SCLY: variants seen among roughly 807,000 people sequenced by gnomAD.
SCLY encodes the protein selenocysteine lyase.
A neutral mutation model predicts 50.1 loss-of-function variants in SCLY; 38 were observed. That is an observed-to-expected ratio of 0.76 (90% CI 0.59 to 0.99). The LOEUF (loss-of-function observed/expected upper bound fraction) is 0.99, where lower values mean the gene tolerates loss of function less well. Ranked by LOEUF, SCLY falls within the 50% of genes least tolerant of loss-of-function variation. The pLI is 0.00. For missense variants in SCLY, 600 were observed against 620.0 expected, an observed-to-expected ratio of 0.97 and a Z score of 0.34; for synonymous variants, 243 against 249.4, an observed-to-expected ratio of 0.97 and a Z score of 0.24.
intron 6 of SCLY, chr2:238,082,592 G>A (rs2065249855): frequency 4.7e-6 from 1 of 212,180 alleles, no homozygotes; most frequent in Non-Finnish European, 9.6e-6. Context: ...ACAGGAAATC[G>A]TTGCTTTCTC....
intron 1 of SCLY, among the ~76,000 whole-genome samples, chr2:238,064,001 C>T (rs917025358): frequency 1.3e-5 from 2 of 152,226 alleles, no homozygotes; most frequent in African/African-American, 2.4e-5. Flanking sequence ...CAGCCTCAAA[C>T]TTCTGGCCTC....
chr2:238,067,999 C>A lies in SCLY; in HGVS notation c.203-66C>A. The A allele has an allele frequency of 8.3e-7, 1 of 1,198,870 alleles. No homozygotes were observed. Among genetic ancestry groups the A allele is most frequent in the Non-Finnish European group, 1.2e-6 (1 of 823,058 alleles). 74.3% of individuals were successfully genotyped at this position (1,198,870 alleles called of 1,614,324 possible). ...CTCTTATTCCTTTGTATTTGGTTGT[C>A]CTTTTAGATGCGTTGATTGAGCTTG... On this transcript the variant is annotated intron_variant, in intron 2 of 11. Transcript: ENST00000254663. The surrounding 1 kb of genome is among the most constrained non-coding windows in gnomAD (Gnocchi z 4.3).
At chr2:238,071,093 A>G (rs992457532) in intron 4 of SCLY, among the ~76,000 whole-genome samples, 2 of 151,962 alleles carry the variant, frequency 1.3e-5, no homozygotes, top group African/African-American at 2.4e-5. Context: ...TGGCCTCCCA[A>G]AGTGCTGGGA....
At position 238,098,605 on chromosome 2, in the gene SCLY, A is replaced by AACGCCCACATAGAACCGTCCACATG. The variant is rs1553568600; in HGVS notation, c.*250_*251insACGCCCACATAGAACCGTCCACATG. 5.5e-5 allele frequency: 17 copies of AACGCCCACATAGAACCGTCCACATG among 311,406 alleles called. 3 individuals carry two copies. The highest frequency in any genetic ancestry group is 2.8e-4 in the East Asian group (6 of 21,608). 19.3% of individuals were successfully genotyped at this position (311,406 alleles called of 1,614,324 possible). ...ACCGCCCACATAGGACCGCCCACATAGGACCGCCCACATGGGACCGCCCAC... is the reference window on the plus strand; with the variant it reads ...ACCGCCCACATAGGACCGCCCACATAACGCCCACATAGAACCGTCCACATGGGACCGCCCACATGGGACCGCCCAC... On this transcript the variant is annotated 3_prime_UTR_variant, in exon 12 of 12. Transcript: ENST00000254663.
chr2:238,094,040 TG>T (rs1196377856), intron 9 of SCLY, 96 bp downstream of exon 9: 2 of 1,101,106 alleles, frequency 1.8e-6, no homozygotes, highest in African/African-American at 1.6e-5. Context: ...CCAGGACCTG[TG>T]GGGATTGCAG....
intron 4 of SCLY, among the ~76,000 whole-genome samples, chr2:238,076,737 A>G (rs1161520727): frequency 1.5e-5 from 1 of 66,100 alleles, no homozygotes; most frequent in Non-Finnish European, 3.3e-5. Flanking sequence ...AAAAAAAAAA[A>G]AGAGTGTATT....
chr2:238,094,056 G>T, intron 9 of SCLY, 112 bp downstream of exon 9: 1 of 934,818 alleles, frequency 1.1e-6, no homozygotes, highest in Non-Finnish European at 1.7e-6. Flanking sequence ...TTGCAGCGTA[G>T]CCTGGAACTC....
chr2:238,080,331 A>G (rs906997736), intron 4 of SCLY: 4 of 152,212 alleles, frequency 2.6e-5, no homozygotes, highest in African/African-American at 9.7e-5. Flanking sequence ...GTGATCTAGA[A>G]TCAGTCATTT....
chr2:238,083,440 T>G lies in SCLY; in HGVS notation c.884+86T>G. 1 of 1,042,864 alleles carries G rather than the reference T, an allele frequency of 9.6e-7. No individual in the cohort carries two copies. The highest frequency in any genetic ancestry group is 1.5e-6 in the Non-Finnish European group (1 of 664,916). The allele number at this position is 1,042,864 out of a possible 1,614,324, so 64.6% of individuals were successfully genotyped here. A position where few individuals can be genotyped will look rare whatever the true frequency, so the allele number is the denominator to read the frequency against. On this transcript the variant is annotated intron_variant, in intron 7 of 11. Transcript: ENST00000254663. The surrounding 1 kb of genome is among the most constrained non-coding windows in gnomAD (Gnocchi z 4.3). ...CATTGTAAAGAAACATGGCGCTGTTTCTTGGTCTCGTGGAGGCTCTGTAGC... is the reference window on the plus strand; with the variant it reads ...CATTGTAAAGAAACATGGCGCTGTTGCTTGGTCTCGTGGAGGCTCTGTAGC...
chr2:238,098,371 C>T lies in SCLY; in HGVS notation c.*16C>T, dbSNP rs568677055. 2.6e-5 allele frequency: 41 copies of T among 1,575,416 alleles called. No individual in the cohort carries two copies. Among genetic ancestry groups the T allele is most frequent in the Admixed American group, 2.6e-4 (15 of 58,474 alleles). ...CCAGGCCTAGCACTGGGGCCGCCTT[C>T]CCCACCCCGCTTCTGGGAAGCCCGT... On this transcript the variant is annotated 3_prime_UTR_variant, in exon 12 of 12. Coordinates refer to ENST00000254663, the MANE Select transcript of SCLY (RefSeq NM_016510.7).
intron 8 of SCLY, chr2:238,091,514 T>TTTTTTTTTTAATGA: frequency 2.0e-6 from 1 of 497,528 alleles, no homozygotes; most frequent in Non-Finnish European, 3.7e-6. Context: ...AGTGATACTG[T>TTTTTTTTTTAATGA]TACAGCAGAG....
intron 6 of SCLY, among the ~76,000 whole-genome samples, 180 bp downstream of exon 6, chr2:238,082,389 C>T (rs2065247475): frequency 6.6e-6 from 1 of 152,174 alleles, no homozygotes; most frequent in Non-Finnish European, 1.5e-5. Context: ...GGCCAGCATG[C>T]CAGGACGAAT....
chr2:238,093,772 AG>A (rs748913530), intron 8 of SCLY, 88 bp from the exon 9 acceptor site: 16 of 1,225,586 alleles, frequency 1.3e-5, no homozygotes, highest in Non-Finnish European at 1.8e-5. Context: ...GAGCAGTTTC[AG>A]GAAATGCCAC....
At position 238,061,067 on chromosome 2, in the gene SCLY, G is replaced by A; in HGVS notation, c.13G>A (p.Val5Met). MEAA[V>M]APGRDAPAPA... Reference sequence around the variant, plus strand: ...CAGTGGGGCGGGGATGGAGGCGGCCGTGGCGCCGGGGAGGGATGCGCCGGC... The same window carrying A: ...CAGTGGGGCGGGGATGGAGGCGGCCATGGCGCCGGGGAGGGATGCGCCGGC... Residue 5 changes from valine (V) to methionine (M), a missense_variant, in exon 1 of 12, where the codon GTG (valine) becomes ATG (methionine). By Grantham distance (21) the Val-to-Met change is conservative. Transcript: ENST00000254663. The A allele has an allele frequency of 2.9e-6, 4 of 1,389,138 alleles. No individual in the cohort carries two copies. The highest frequency in any genetic ancestry group is 7.3e-5 in the Admixed American group (2 of 27,468). 86.1% of individuals were successfully genotyped at this position (1,389,138 alleles called of 1,614,324 possible). A position where few individuals can be genotyped will look rare whatever the true frequency, so the allele number is the denominator to read the frequency against.
chr2:238,098,166 T>G, intron 11 of SCLY, 36 bp from the exon 12 acceptor site: 7 of 1,600,024 alleles, frequency 4.4e-6, no homozygotes, highest in Non-Finnish European at 6.0e-6. Context: ...CCATGTGCCC[T>G]CAGCAGCAGC....
chr2:238,061,061 G>A lies in SCLY; in HGVS notation c.7G>A (p.Ala3Thr). The change falls in exon 1 of 12, where the codon GCG (alanine) becomes ACG (threonine). Residue 3 changes from alanine (A) to threonine (T), a missense_variant. Coordinates refer to ENST00000254663, the MANE Select transcript of SCLY (RefSeq NM_016510.7). ME[A>T]AVAPGRDAPA... is the part of the protein sequence containing the mutation. ...CGGCAGCAGTGGGGCGGGGATGGAG[G>A]CGGCCGTGGCGCCGGGGAGGGATGC... 1 of 1,389,086 alleles carries A rather than the reference G, an allele frequency of 7.2e-7. No individual in the cohort carries two copies. Among genetic ancestry groups the A allele is most frequent in the East Asian group, 3.0e-5 (1 of 32,966 alleles). 86.0% of individuals were successfully genotyped at this position (1,389,086 alleles called of 1,614,324 possible).
intron 4 of SCLY, among the ~76,000 whole-genome samples, chr2:238,076,541 T>A (rs905996062): frequency 2.0e-5 from 3 of 152,050 alleles, no homozygotes; most frequent in Admixed American, 2.0e-4. Flanking sequence ...TTTTTTTCTA[T>A]GACCCATTAG....
chr2:238,091,517 C>CTTTTT, intron 8 of SCLY: 1 of 488,432 alleles, frequency 2.0e-6, no homozygotes, highest in South Asian at 2.2e-5. Context: ...GATACTGTTA[C>CTTTTT]AGCAGAGGTG....
intron 7 of SCLY, among the ~76,000 whole-genome samples, chr2:238,087,220 G>C (rs1462093292): frequency 1.3e-5 from 2 of 151,954 alleles, no homozygotes; most frequent in Admixed American, 1.3e-4. Flanking sequence ...AGCTATGTGG[G>C]AGGCTGAGAT....
Sources: gnomAD v4.1 joint callset for allele counts (sites outside exome capture counted in the v4.1 genomes callset) on GRCh38, gnomAD v4.1.1 for gene constraint, Gnocchi (gnomAD v3.1) non-coding constraint, MANE v1.5 for transcripts, NCBI Gene and HGNC (gene_info 2026-07-23, HGNC 2026-07-21) for gene names.